Variants in SYNDIG1 observed in about 807,000 individuals in gnomAD.
SYNDIG1 encodes synapse differentiation inducing 1, also known as synapse differentiation-inducing gene protein 1.
In SYNDIG1, 9 loss-of-function variants were observed where a neutral mutation model predicts 19.4. That is an observed-to-expected ratio of 0.46 (90% CI 0.28 to 0.81). SYNDIG1 has a LOEUF of 0.81. SYNDIG1 is among the 30% of genes least tolerant of loss of function. The probability of loss-of-function intolerance (pLI) is 0.12; values close to 1 mark genes in which losing one functional copy is unlikely to be tolerated. For synonymous variants in SYNDIG1, 141 were observed against 145.9 expected (o/e 0.97, Z 0.24); for missense variants, 311 against 343.3 (o/e 0.91, Z 0.74).
chr20:24,647,796 A>T (rs1196308344), intron 3 of SYNDIG1, among the ~76,000 whole-genome samples: 1 of 150,098 alleles, frequency 6.7e-6, no homozygotes, highest in Non-Finnish European at 1.5e-5. Context: ...TATTGTGAAA[A>T]GTTGGGGACA....
intron 3 of SYNDIG1, among the ~76,000 whole-genome samples, chr20:24,612,069 A>G (rs1600741533): frequency 6.6e-6 from 1 of 152,192 alleles, no homozygotes; most frequent in Non-Finnish European, 1.5e-5. Context: ...CACATAGTTT[A>G]TGTATCAAGT....
chr20:24,662,037 A>G (rs2059609316), intron 3 of SYNDIG1, among the ~76,000 whole-genome samples: 1 of 152,048 alleles, frequency 6.6e-6, no homozygotes, highest in African/African-American at 2.4e-5. Context: ...TTACATGTGG[A>G]TCAACAGCTC....
chr20:24,508,784 C>A (rs1433500116), intron 1 of SYNDIG1, among the ~76,000 whole-genome samples: 1 of 152,078 alleles, frequency 6.6e-6, no homozygotes, highest in Non-Finnish European at 1.5e-5. Flanking sequence ...GAGTGTGCAC[C>A]AGCTCCCACT....
intron 3 of SYNDIG1, among the ~76,000 whole-genome samples, chr20:24,586,462 C>A (rs1435954824): frequency 6.6e-6 from 1 of 152,148 alleles, no homozygotes; most frequent in Non-Finnish European, 1.5e-5. Flanking sequence ...GGATGAGGTC[C>A]CAGACTGGGA....
intron 1 of SYNDIG1, among the ~76,000 whole-genome samples, chr20:24,521,437 C>T (rs1371769443): frequency 2.0e-5 from 3 of 152,036 alleles, no homozygotes; most frequent in African/African-American, 4.8e-5. Flanking sequence ...TATGGTAACT[C>T]AGTGTTGAAT....
intron 3 of SYNDIG1, among the ~76,000 whole-genome samples, chr20:24,621,333 G>T (rs1278118285): frequency 6.6e-6 from 1 of 152,214 alleles, no homozygotes; most frequent in Non-Finnish European, 1.5e-5. Context: ...CATCATAAGT[G>T]CATTGCACTT....
chr20:24,494,856 T>A (rs2146334371), intron 1 of SYNDIG1, among the ~76,000 whole-genome samples: 1 of 152,306 alleles, frequency 6.6e-6, no homozygotes, highest in South Asian at 2.1e-4. Context: ...GGCCCAGAAA[T>A]GCACTTGGTG....
chr20:24,656,441 G>T (rs1446054238), intron 3 of SYNDIG1, among the ~76,000 whole-genome samples: 1 of 152,192 alleles, frequency 6.6e-6, no homozygotes, highest in Non-Finnish European at 1.5e-5. Flanking sequence ...GGACCCCGTG[G>T]TGCCCTGAGG....
intron 3 of SYNDIG1, among the ~76,000 whole-genome samples, chr20:24,612,890 C>T (rs1490870538): frequency 6.6e-6 from 1 of 152,216 alleles, no homozygotes; most frequent in Non-Finnish European, 1.5e-5. Context: ...CCATCTCAAC[C>T]ACAGGCCATC....
chr20:24,505,413 G>A (rs946973461), intron 1 of SYNDIG1, among the ~76,000 whole-genome samples: 5 of 152,156 alleles, frequency 3.3e-5, no homozygotes, highest in African/African-American at 1.2e-4. Flanking sequence ...GCGGGGAAGA[G>A]GGGGGCTCAG....
intron 2 of SYNDIG1, among the ~76,000 whole-genome samples, chr20:24,567,651 C>T (rs1268347758): frequency 3.9e-5 from 6 of 152,242 alleles, no homozygotes; most frequent in Admixed American, 3.3e-4. Flanking sequence ...CCTCTAACTC[C>T]TGCCCCATAT....
intron 1 of SYNDIG1, among the ~76,000 whole-genome samples, chr20:24,476,745 TG>T (rs1252465208): frequency 6.6e-6 from 1 of 151,988 alleles, no homozygotes; most frequent in African/African-American, 2.4e-5. Flanking sequence ...TTGTTCACAA[TG>T]GGATCATCAA....
At chr20:24,632,600 T>A (rs2059260630) in intron 3 of SYNDIG1, among the ~76,000 whole-genome samples, 1 of 152,162 alleles carries the variant, frequency 6.6e-6, no homozygotes, top group Non-Finnish European at 1.5e-5. Flanking sequence ...CTCATTTCAA[T>A]GAGAGTTTTT....
intron 1 of SYNDIG1, among the ~76,000 whole-genome samples, chr20:24,499,387 A>G (rs2056386621): frequency 6.6e-6 from 1 of 152,188 alleles, no homozygotes; most frequent in Non-Finnish European, 1.5e-5. Context: ...GAGGAATAGG[A>G]CATGAGGTTT....
intron 1 of SYNDIG1, among the ~76,000 whole-genome samples, chr20:24,477,253 T>C (rs1181576560): frequency 6.6e-6 from 1 of 152,232 alleles, no homozygotes; most frequent in Non-Finnish European, 1.5e-5. Flanking sequence ...CAGGGCTGCT[T>C]AGTGAGTGCT....
chr20:24,584,429 C>T (rs1484411478), intron 2 of SYNDIG1, among the ~76,000 whole-genome samples: 2 of 152,232 alleles, frequency 1.3e-5, no homozygotes, highest in Non-Finnish European at 2.9e-5. Flanking sequence ...ATCCTCAGAA[C>T]ACACCGACAG....
intron 2 of SYNDIG1, among the ~76,000 whole-genome samples, chr20:24,557,525 A>T (rs1361718634): frequency 1.3e-5 from 2 of 152,066 alleles, no homozygotes; most frequent in Non-Finnish European, 2.9e-5. Context: ...CTTCTAACAG[A>T]CAGGACCCTC....
intron 1 of SYNDIG1, among the ~76,000 whole-genome samples, chr20:24,504,950 A>G (rs2056550668): frequency 6.6e-6 from 1 of 152,128 alleles, no homozygotes; most frequent in Non-Finnish European, 1.5e-5. Flanking sequence ...GGGTGAGAGG[A>G]TGGTAGCTTG....
intron 1 of SYNDIG1, among the ~76,000 whole-genome samples, chr20:24,535,994 T>C (rs1354411222): frequency 6.6e-6 from 1 of 152,256 alleles, no homozygotes; most frequent in Non-Finnish European, 1.5e-5. Flanking sequence ...AGGATTCATT[T>C]GCGGCTGCTA....
Sources: allele counts gnomAD v4.1 joint callset (sites outside exome capture counted in the v4.1 genomes callset), GRCh38; gene constraint gnomAD v4.1.1; transcripts MANE v1.5; gene names NCBI Gene and HGNC (gene_info 2026-07-23, HGNC 2026-07-21).